BMP7: variants seen among roughly 807,000 people sequenced by gnomAD.
BMP7 encodes the protein osteogenic protein 1.
BMP7 carries 12 observed loss-of-function variants against 41.2 expected under a neutral mutation model. That is an observed-to-expected ratio of 0.29 (90% CI 0.19 to 0.47). The LOEUF (loss-of-function observed/expected upper bound fraction) is 0.47, where lower values mean the gene tolerates loss of function less well. BMP7 is among the 20% of genes least tolerant of loss of function. The probability of loss-of-function intolerance (pLI) is 0.99; values close to 1 mark genes in which losing one functional copy is unlikely to be tolerated. For missense variants in BMP7, 467 were observed against 606.0 expected (o/e 0.77, Z 2.41); for synonymous variants, 248 against 250.0 (o/e 0.99, Z 0.07).
At chr20:57,236,715 G>A (rs2066049039) in intron 1 of BMP7, among the ~76,000 whole-genome samples, 1 of 151,802 alleles carries the variant, frequency 6.6e-6, no homozygotes, top group Non-Finnish European at 1.5e-5. Flanking sequence ...TTTGGTCACT[G>A]GTTGCTCAGA....
intron 2 of BMP7, among the ~76,000 whole-genome samples, chr20:57,223,348 G>A (rs1427908599): frequency 6.6e-6 from 1 of 152,160 alleles, no homozygotes; most frequent in African/African-American, 2.4e-5. Flanking sequence ...GGAATCACCT[G>A]GGAGCTTTTA....
At chr20:57,177,219 G>A (rs1983949688) in intron 4 of BMP7, among the ~76,000 whole-genome samples, 1 of 152,206 alleles carries the variant, frequency 6.6e-6, no homozygotes, top group African/African-American at 2.4e-5. Flanking sequence ...GGGTTGAGGA[G>A]GAAGGAGGCA....
At chr20:57,182,052 G>A (rs551801936) in intron 4 of BMP7, among the ~76,000 whole-genome samples, 1 of 152,368 alleles carries the variant, frequency 6.6e-6, no homozygotes, top group African/African-American at 2.4e-5. Flanking sequence ...CCCCTGGCCG[G>A]CGGGATGGGA....
At chr20:57,234,471 A>C (rs2066040484) in intron 1 of BMP7, among the ~76,000 whole-genome samples, 1 of 152,138 alleles carries the variant, frequency 6.6e-6, no homozygotes, top group Non-Finnish European at 1.5e-5. Context: ...GCCCTTCCTG[A>C]AGTTTGGGGT....
In BMP7 at chr20:57,264,698, T is replaced by G. The variant is rs755058309; in HGVS notation, c.418+1007A>C. Among the ~76,000 whole-genome samples, 141 of 152,138 alleles carry G rather than the reference T, an allele frequency of 9.3e-4. 1 individual carries two copies. The highest frequency in any genetic ancestry group is 1.7e-3 in the Non-Finnish European group (116 of 68,016). On this transcript the variant is annotated intron_variant, in intron 1 of 6. Transcript: ENST00000395863. Reference sequence around the variant, plus strand: ...ACACGTGGTAAATGCTGAAAATAGATTCTGCCGGCCCGGGACCTACCACTA... The same window carrying G: ...ACACGTGGTAAATGCTGAAAATAGAGTCTGCCGGCCCGGGACCTACCACTA...
At chr20:57,219,192 T>C (rs1399402362) in intron 2 of BMP7, among the ~76,000 whole-genome samples, 2 of 142,532 alleles carry the variant, frequency 1.4e-5, no homozygotes, top group African/African-American at 6.2e-5. Flanking sequence ...GTTTGTTCAG[T>C]GGTAGCTGGT....
rs563618908 is a variant in BMP7, at chr20:57,219,916, T to C, written c.611+8313A>G. 7.9e-5 allele frequency among the ~76,000 whole-genome samples: 12 copies of C among 152,284 alleles called. 1 individual carries two copies. The South Asian group carries it at 2.1e-3, about 26-fold the overall frequency. On this transcript the variant is annotated intron_variant, in intron 2 of 6. Transcript: ENST00000395863. ...TTGGAGAAACCTGACCTGAAACCAG[T>C]GGCCAACAGGTTTCACTTGATGGCA...
At position 57,187,893 on chromosome 20, in the gene BMP7, T is replaced by A. The variant is rs545710712; in HGVS notation, c.761-3974A>T. Among the ~76,000 whole-genome samples, 214 of 152,296 alleles carry A rather than the reference T, an allele frequency of 1.4e-3. 1 individual carries two copies. Among genetic ancestry groups the A allele is most frequent in the Middle Eastern group, 0.01 (3 of 294 alleles). On this transcript the variant is annotated intron_variant, in intron 3 of 6. Coordinates refer to ENST00000395863, the MANE Select transcript of BMP7 (RefSeq NM_001719.3). Reference sequence around the variant, plus strand: ...CTGGAACCTGACGTGGAACAGGTGCTCTGAGGACAGGTATGGAATCTTCCC... The same window carrying A: ...CTGGAACCTGACGTGGAACAGGTGCACTGAGGACAGGTATGGAATCTTCCC...
intron 3 of BMP7, among the ~76,000 whole-genome samples, chr20:57,196,256 G>A (rs751953121): frequency 7.9e-5 from 12 of 152,128 alleles, no homozygotes; most frequent in Non-Finnish European, 1.3e-4. Context: ...GGTAGAAGAC[G>A]GCACAAGGAA....
At chr20:57,216,753 C>T (rs553045622) in intron 2 of BMP7, among the ~76,000 whole-genome samples, 3 of 152,238 alleles carry the variant, frequency 2.0e-5, no homozygotes, top group South Asian at 2.1e-4. Context: ...TCGAGGTCTG[C>T]GGCTCAGCGG....
chr20:57,216,402 T>C (rs230202), intron 2 of BMP7, among the ~76,000 whole-genome samples: 102,631 of 152,052 alleles, frequency 0.67, 35,759 homozygotes, highest in African/African-American at 0.85. Flanking sequence ...GCTTGGAGAT[T>C]GTCAAAACAG....
intron 1 of BMP7, among the ~76,000 whole-genome samples, chr20:57,263,357 C>T (rs768819922): frequency 9.9e-5 from 15 of 152,180 alleles, no homozygotes; most frequent in Non-Finnish European, 1.6e-4. Flanking sequence ...AGGAAAACCA[C>T]CCAGCTGTGG....
intron 4 of BMP7, among the ~76,000 whole-genome samples, chr20:57,179,981 C>T (rs1286825337): frequency 1.3e-5 from 2 of 152,162 alleles, no homozygotes; most frequent in Non-Finnish European, 2.9e-5. Flanking sequence ...CCCGCGATGC[C>T]TAGTTCCTCT....
intron 1 of BMP7, among the ~76,000 whole-genome samples, chr20:57,241,653 C>T (rs751486958): frequency 9.9e-5 from 15 of 152,178 alleles, no homozygotes; most frequent in African/African-American, 1.4e-4. Context: ...TGGGGGGCTG[C>T]GTCCAGAGAC....
intron 2 of BMP7, among the ~76,000 whole-genome samples, chr20:57,207,625 C>T (rs1053752966): frequency 3.3e-5 from 5 of 152,084 alleles, no homozygotes; most frequent in Admixed American, 6.5e-5. Flanking sequence ...TTCAAAGGAC[C>T]GTATAAATCT....
intron 1 of BMP7, among the ~76,000 whole-genome samples, chr20:57,239,081 T>G (rs140779009): frequency 0.027 from 4,096 of 152,188 alleles, 77 homozygotes; most frequent in Non-Finnish European, 0.041. Context: ...AATTCTTAAC[T>G]CATTTCAGCA....
At chr20:57,254,994 A>G (rs1261550681) in intron 1 of BMP7, among the ~76,000 whole-genome samples, 1 of 152,098 alleles carries the variant, frequency 6.6e-6, no homozygotes, top group Admixed American at 6.6e-5. Context: ...TTTAAACCAT[A>G]AAGACCGAGG....
intron 1 of BMP7, among the ~76,000 whole-genome samples, chr20:57,243,461 C>G (rs1015708503): frequency 3.3e-5 from 5 of 151,870 alleles, no homozygotes; most frequent in African/African-American, 1.2e-4. Flanking sequence ...GGTGACACAG[C>G]AAGACTCTGC....
chr20:57,254,074 G>A (rs1376988621), intron 1 of BMP7, among the ~76,000 whole-genome samples: 1 of 142,318 alleles, frequency 7.0e-6, no homozygotes, highest in Non-Finnish European at 1.5e-5. Context: ...CCAGGCTGGA[G>A]TGCAGTGATG....
Sources: allele counts gnomAD v4.1 joint callset (sites outside exome capture counted in the v4.1 genomes callset), GRCh38; gene constraint gnomAD v4.1.1; transcripts MANE v1.5; gene names NCBI Gene and HGNC (gene_info 2026-07-23, HGNC 2026-07-21).